Variants in PTGIS observed in about 807,000 individuals in gnomAD.
PTGIS encodes prostaglandin I2 synthase, also known as prostacyclin synthase.
Under a neutral mutation model 50.3 loss-of-function variants are expected in PTGIS, and 45 were observed. The ratio of observed to expected loss-of-function variants is 0.90; its 90% confidence interval spans 0.70 to 1.15. The LOEUF (loss-of-function observed/expected upper bound fraction) is 1.15. PTGIS is among the 50% of genes most tolerant of loss of function. The pLI, the probability that PTGIS is intolerant of heterozygous loss-of-function variation, is 0.00. For missense variants in PTGIS, 668 were observed against 661.3 expected (o/e 1.01, Z -0.11); for synonymous variants, 260 against 267.7 (o/e 0.97, Z 0.28).
chr20:49,565,393 G>T lies in PTGIS; in HGVS notation c.74+2650C>A, dbSNP rs568935793. The stretch of plus-strand genomic sequence containing the variant: ...GAATTAAAAATTCTTGCAAAGCCAG[G>T]CGTGGTGGTTCACACCGGTAATTCC... On this transcript the variant is annotated intron_variant, in intron 1 of 9. Coordinates refer to ENST00000244043, the MANE Select transcript of PTGIS (RefSeq NM_000961.4). Among the ~76,000 whole-genome samples the T allele has an allele frequency of 9.0e-4, 137 of 152,290 alleles. 2 individuals carry two copies. The South Asian group carries it at 0.027, about 30-fold the overall frequency.
rs1488531500 is a variant in PTGIS at position 49,506,307 on chromosome 20, T to C, written c.*1613A>G. 1.3e-5 allele frequency: 2 copies of C among 152,232 alleles called. No homozygotes were observed. Among genetic ancestry groups the C allele is most frequent in the Non-Finnish European group, 2.9e-5 (2 of 68,036 alleles). 9.4% of individuals were successfully genotyped at this position (152,232 alleles called of 1,614,324 possible). A position where few individuals can be genotyped will look rare whatever the true frequency, so the allele number is the denominator to read the frequency against. On this transcript the variant is annotated 3_prime_UTR_variant, in exon 10 of 10. Coordinates refer to ENST00000244043, the MANE Select transcript of PTGIS (RefSeq NM_000961.4). The stretch of plus-strand genomic sequence containing the variant: ...TAAAGGGTCTCAATAAACAGGACTT[T>C]ATATTAATAAAAATAGCATCATAAA...
At chr20:49,546,045 T>C (rs1982349717) in intron 3 of PTGIS, among the ~76,000 whole-genome samples, 1 of 152,142 alleles carries the variant, frequency 6.6e-6, no homozygotes, top group South Asian at 2.1e-4. Context: ...TGACAATGCA[T>C]GTGAAGGGTT....
chr20:49,520,428 G>A (rs777302680), intron 6 of PTGIS, among the ~76,000 whole-genome samples: 3 of 151,784 alleles, frequency 2.0e-5, no homozygotes, highest in Non-Finnish European at 2.9e-5. Context: ...CCACCTCCCG[G>A]GTTCAAGTGA....
intron 1 of PTGIS, among the ~76,000 whole-genome samples, chr20:49,561,848 T>A (rs1018287457): frequency 6.6e-6 from 1 of 152,222 alleles, no homozygotes; most frequent in Non-Finnish European, 1.5e-5. Flanking sequence ...GTAAGATTCC[T>A]GGGCACCATT....
chr20:49,517,870 G>A (rs985239597), intron 6 of PTGIS, among the ~76,000 whole-genome samples: 9 of 152,200 alleles, frequency 5.9e-5, no homozygotes, highest in Admixed American at 5.2e-4. Context: ...AGTCCATGTG[G>A]GCCATCCAGG....
intron 2 of PTGIS, among the ~76,000 whole-genome samples, chr20:49,548,439 A>AATGGATGGATGAATGG (rs1158762126): frequency 6.6e-5 from 10 of 152,040 alleles, no homozygotes; most frequent in African/African-American, 2.4e-4. Flanking sequence ...TGGATGGATG[A>AATGGATGGATGAATGG]ATGGATGGAT....
chr20:49,563,194 A>G (rs1322023752), intron 1 of PTGIS, among the ~76,000 whole-genome samples: 1 of 152,196 alleles, frequency 6.6e-6, no homozygotes, highest in African/African-American at 2.4e-5. Context: ...AAGGGGGCTT[A>G]GTTGCACAGG....
At chr20:49,537,096 A>C in intron 5 of PTGIS, among the ~76,000 whole-genome samples, 1 of 152,182 alleles carries the variant, frequency 6.6e-6, no homozygotes, top group East Asian at 1.9e-4. Context: ...CACACACAGC[A>C]CTTCCCAGCC....
In PTGIS at chr20:49,540,993, G is replaced by C. The variant is rs1338267661; in HGVS notation, c.522-1272C>G. On this transcript the variant is annotated intron_variant, in intron 4 of 9. Transcript: ENST00000244043. The surrounding 1 kb of genome is among the most constrained non-coding windows in gnomAD (Gnocchi z 4.8). Reference sequence around the variant, plus strand: ...GCAGGAATGAGGGTAGGTGGGGGCCGAGAGAGGCCTGCGTGGTCCCTGCTC... The same window carrying C: ...GCAGGAATGAGGGTAGGTGGGGGCCCAGAGAGGCCTGCGTGGTCCCTGCTC... Among the ~76,000 whole-genome samples, 2 of 152,204 alleles carry C rather than the reference G, an allele frequency of 1.3e-5. No individual in the cohort carries two copies. Among genetic ancestry groups the C allele is most frequent in the African/African-American group, 4.8e-5 (2 of 41,454 alleles).
intron 1 of PTGIS, among the ~76,000 whole-genome samples, chr20:49,565,326 C>T (rs1457594119): frequency 6.6e-6 from 1 of 152,020 alleles, no homozygotes; most frequent in Admixed American, 6.6e-5. Context: ...GTTCAGATTA[C>T]CAGTATAATG....
At chr20:49,508,414 A>G (rs1981216825) in intron 9 of PTGIS, among the ~76,000 whole-genome samples, 1 of 152,234 alleles carries the variant, frequency 6.6e-6, no homozygotes, top group Non-Finnish European at 1.5e-5. Flanking sequence ...AAAGAGGGAA[A>G]GAGCCTGGCC....
At chr20:49,516,450 T>A (rs1039561536) in intron 6 of PTGIS, among the ~76,000 whole-genome samples, 2 of 152,140 alleles carry the variant, frequency 1.3e-5, no homozygotes, top group African/African-American at 4.8e-5. Flanking sequence ...AATCTTTCTA[T>A]TTTTTGTAAA....
intron 7 of PTGIS, among the ~76,000 whole-genome samples, chr20:49,513,819 C>T (rs1981394939): frequency 6.6e-6 from 1 of 152,150 alleles, no homozygotes; most frequent in Non-Finnish European, 1.5e-5. Flanking sequence ...CTCACAGAGC[C>T]AGGAGGAAGT....
chr20:49,535,683 T>C, intron 5 of PTGIS, among the ~76,000 whole-genome samples: 1 of 152,162 alleles, frequency 6.6e-6, no homozygotes, highest in East Asian at 1.9e-4. Flanking sequence ...CCCGGCTAAT[T>C]TTTTGTATTT....
chr20:49,555,011 C>T (rs960692761), intron 1 of PTGIS, among the ~76,000 whole-genome samples: 2 of 152,130 alleles, frequency 1.3e-5, no homozygotes, highest in Admixed American at 6.5e-5. Flanking sequence ...TGGCTCATGC[C>T]TGTAATCCCA....
intron 5 of PTGIS, among the ~76,000 whole-genome samples, chr20:49,527,020 C>T (rs990807654): frequency 2.0e-5 from 3 of 152,106 alleles, no homozygotes; most frequent in South Asian, 4.1e-4. Flanking sequence ...TACTCGTGCA[C>T]CAATGTTCAT....
chr20:49,558,371 A>C (rs762904046), intron 1 of PTGIS, among the ~76,000 whole-genome samples: 4 of 152,230 alleles, frequency 2.6e-5, no homozygotes, highest in Non-Finnish European at 5.9e-5. Flanking sequence ...CCTAAGCAAG[A>C]GAACGAGACC....
intron 6 of PTGIS, among the ~76,000 whole-genome samples, chr20:49,518,862 C>T (rs1410040428): frequency 2.0e-5 from 3 of 152,136 alleles, no homozygotes; most frequent in Non-Finnish European, 2.9e-5. Flanking sequence ...ACTATCTCAG[C>T]GGAGCTATGT....
intron 1 of PTGIS, among the ~76,000 whole-genome samples, chr20:49,556,866 CTTCT>C (rs1405616676): frequency 1.3e-5 from 2 of 152,018 alleles, no homozygotes; most frequent in African/African-American, 4.8e-5. Flanking sequence ...AATGTTTTCC[CTTCT>C]TTTTTTTTTC....
Sources: gnomAD v4.1 joint callset for allele counts (sites outside exome capture counted in the v4.1 genomes callset) on GRCh38, gnomAD v4.1.1 for gene constraint, Gnocchi (gnomAD v3.1) non-coding constraint, MANE v1.5 for transcripts, NCBI Gene and HGNC (gene_info 2026-07-23, HGNC 2026-07-21) for gene names.